The following JMJD1C variants were observed in gnomAD, a reference collection of about 807,000 sequenced individuals.
The protein encoded by JMJD1C is jumonji domain containing 1C, also known as jumonji domain-containing protein 1C.
Under a neutral mutation model 245.3 loss-of-function variants are expected in JMJD1C, and 31 were observed. The ratio of observed to expected loss-of-function variants is 0.13; its 90% confidence interval spans 0.09 to 0.17. The LOEUF (loss-of-function observed/expected upper bound fraction) is 0.17. Among genes scored for constraint, JMJD1C ranks in the 10% least tolerant of loss-of-function variants. The probability of loss-of-function intolerance (pLI) is 1.00; values close to 1 mark genes in which losing one functional copy is unlikely to be tolerated. For synonymous variants in JMJD1C, 1,057 were observed against 1,017.4 expected, an observed-to-expected ratio of 1.04 and a Z score of -0.74; for missense variants, 2,691 against 3,000.2, an observed-to-expected ratio of 0.90 and a Z score of 2.41.
chr10:63,280,028 G>C (rs903918932), intron 2 of JMJD1C, among the ~76,000 whole-genome samples: 1 of 151,866 alleles, frequency 6.6e-6, no homozygotes, highest in Non-Finnish European at 1.5e-5. Flanking sequence ...GCACACACCT[G>C]TAGTCCCAGC....
upstream of JMJD1C, among the ~76,000 whole-genome samples, chr10:63,467,648 G>A (rs1030950937): frequency 6.6e-6 from 1 of 152,242 alleles, no homozygotes; most frequent in African/African-American, 2.4e-5. Flanking sequence ...AGTGTACACT[G>A]TATAATACTT....
chr10:63,385,407 TG>T (rs1564861000), intron 1 of JMJD1C, among the ~76,000 whole-genome samples: 2 of 134,820 alleles, frequency 1.5e-5, no homozygotes, highest in African/African-American at 5.3e-5. Flanking sequence ...ATGCCTTCCC[TG>T]CCCCCGCCTT....
At chr10:63,335,598 G>A (rs970336299) in intron 2 of JMJD1C, among the ~76,000 whole-genome samples, 7 of 152,008 alleles carry the variant, frequency 4.6e-5, no homozygotes, top group Non-Finnish European at 8.8e-5. Flanking sequence ...CGCAAGCTCC[G>A]CCTCCAGGGT....
At chr10:63,225,284 C>T (rs1849126505) in intron 3 of JMJD1C, among the ~76,000 whole-genome samples, 1 of 152,092 alleles carries the variant, frequency 6.6e-6, no homozygotes, top group South Asian at 2.1e-4. Flanking sequence ...TTATAACCTC[C>T]AGCAAACGAC....
chr10:63,178,286 AACTT>A (rs1843055474), intron 22 of JMJD1C, among the ~76,000 whole-genome samples: 1 of 152,196 alleles, frequency 6.6e-6, no homozygotes. Flanking sequence ...ATATGTTCAT[AACTT>A]TTAGGACTAC....
chr10:63,394,498 C>T (rs755514369), intron 1 of JMJD1C, among the ~76,000 whole-genome samples: 8 of 152,080 alleles, frequency 5.3e-5, no homozygotes, highest in Non-Finnish European at 8.8e-5. Context: ...TATTCGTGAC[C>T]TTGGATTAAG....
chr10:63,262,203 A>T (rs1163922462), intron 3 of JMJD1C, among the ~76,000 whole-genome samples: 4 of 152,210 alleles, frequency 2.6e-5, no homozygotes, highest in Non-Finnish European at 5.9e-5. Context: ...CATTTTAAGA[A>T]GCTAAGGAAT....
At position 63,176,286 on chromosome 10, in the gene JMJD1C, T is replaced by G. The variant is rs1842855719; in HGVS notation, c.7401+11A>C. 3.8e-6 allele frequency: 6 copies of G among 1,564,662 alleles called. No individual in the cohort carries two copies. The highest frequency in any genetic ancestry group is 1.4e-5 in the African/African-American group (1 of 73,096). The stretch of plus-strand genomic sequence containing the variant: ...CAGTAAAAAATATGTTAGAAATAAG[T>G]TTGTATATACCTGATGAAGTGCTCC... On this transcript the variant is annotated intron_variant, in intron 24 of 25. Coordinates refer to ENST00000399262, the MANE Select transcript of JMJD1C (RefSeq NM_032776.3).
In JMJD1C at chr10:63,478,912, G is replaced by A. The variant is rs563683776; in HGVS notation, n.113+42826C>T. Among the ~76,000 whole-genome samples the A allele has an allele frequency of 2.3e-4, 35 of 152,262 alleles. No individual in the cohort carries two copies. The South Asian group carries it at 7.1e-3, about 31-fold the overall frequency. On this transcript the variant is annotated intron_variant and non_coding_transcript_variant, in intron 1 of 3. Coordinates refer to the JMJD1C transcript ENST00000633035. Reference sequence around the variant, plus strand: ...GCCCAAGTGTTCAAGGTTACAGCGAGCTATGGATCCTGCCACTGCACTCCA... The same window carrying A: ...GCCCAAGTGTTCAAGGTTACAGCGAACTATGGATCCTGCCACTGCACTCCA...
At chr10:63,395,424 G>T (rs1948421754) in intron 1 of JMJD1C, among the ~76,000 whole-genome samples, 2 of 152,158 alleles carry the variant, frequency 1.3e-5, no homozygotes, top group South Asian at 4.1e-4. Context: ...TTTACAGTGA[G>T]CCAAGATCGC....
rs1166477926 is a variant in JMJD1C, at chr10:63,217,231, G to T, written c.654C>A (p.Arg218=). 1.2e-6 allele frequency: 2 copies of T among 1,611,632 alleles called. No homozygotes were observed. The highest frequency in any genetic ancestry group is 1.7e-6 in the Non-Finnish European group (2 of 1,178,684). Residue 218 remains arginine, a synonymous_variant, in exon 5 of 26, where the codon CGC becomes CGA. Coordinates refer to ENST00000399262, the MANE Select transcript of JMJD1C (RefSeq NM_032776.3). ...GIITHHDLFT[R]TMIVMNDQVL... is the part of the protein sequence containing the mutation. ...CCTGATCATTCATAACGATCATGGT[G>T]CGGGTGAAGAGATCATGATGAGTAA...
chr10:63,431,785 G>A (rs970233712), intron 1 of JMJD1C, among the ~76,000 whole-genome samples: 6 of 152,148 alleles, frequency 3.9e-5, no homozygotes, highest in African/African-American at 7.2e-5. Flanking sequence ...AGGCCGAGGC[G>A]GGCGGATCAC....
chr10:63,465,988 C>T (rs543450472), upstream of JMJD1C: 205 of 303,388 alleles, frequency 6.8e-4, no homozygotes, highest in Middle Eastern at 3.0e-3. Context: ...GCTCCGTCTC[C>T]CTCCCCGGGC....
At chr10:63,502,857 A>G (rs2133255815) in intron 1 of JMJD1C, among the ~76,000 whole-genome samples, 1 of 152,332 alleles carries the variant, frequency 6.6e-6, no homozygotes, top group South Asian at 2.1e-4. Flanking sequence ...TCCAAAATCT[A>G]CAAGACTATT....
chr10:63,245,622 A>G (rs1223697609), intron 3 of JMJD1C, among the ~76,000 whole-genome samples: 2 of 151,654 alleles, frequency 1.3e-5, no homozygotes, highest in Admixed American at 6.6e-5. Context: ...AGCTGGGATT[A>G]CAGGCACCTG....
chr10:63,175,932 G>A (rs1022812323), intron 24 of JMJD1C, among the ~76,000 whole-genome samples: 2 of 152,176 alleles, frequency 1.3e-5, no homozygotes, highest in African/African-American at 4.8e-5. Flanking sequence ...GCATGCTGAA[G>A]AAAGGTAGGA....
At chr10:63,427,148 T>C (rs1194502298) in intron 1 of JMJD1C, 1 of 154,886 alleles carries the variant, frequency 6.5e-6, no homozygotes, top group Non-Finnish European at 1.4e-5. Flanking sequence ...CTCATGGCGG[T>C]GGCGGCAGCA....
intron 2 of JMJD1C, among the ~76,000 whole-genome samples, chr10:63,314,624 GTT>G (rs1325133229): frequency 6.6e-6 from 1 of 150,914 alleles, no homozygotes; most frequent in African/African-American, 2.4e-5. Context: ...AGGATTCAAA[GTT>G]TTGTTTTTTT....
intron 2 of JMJD1C, among the ~76,000 whole-genome samples, chr10:63,371,355 T>C (rs528907618): frequency 6.6e-6 from 1 of 152,308 alleles, no homozygotes; most frequent in South Asian, 2.1e-4. Context: ...CTCTACATTT[T>C]CCTAAAGTAT....
Sources: gnomAD v4.1 joint callset for allele counts (sites outside exome capture counted in the v4.1 genomes callset) on GRCh38, gnomAD v4.1.1 for gene constraint, MANE v1.5 for transcripts, NCBI Gene and HGNC (gene_info 2026-07-23, HGNC 2026-07-21) for gene names.